Variants in AR observed in about 807,000 individuals in gnomAD.
AR encodes the protein androgen receptor, also known as dihydrotestosterone receptor.
Under a neutral mutation model 53.9 loss-of-function variants are expected in AR, and 8 were observed. That is an observed-to-expected ratio of 0.15 (90% CI 0.09 to 0.27). The LOEUF (loss-of-function observed/expected upper bound fraction) is 0.27, where lower values mean the gene tolerates loss of function less well. Among genes scored for constraint, AR ranks in the 10% least tolerant of loss-of-function variants. The pLI is 1.00. For missense variants in AR, 639 were observed against 742.5 expected, an observed-to-expected ratio of 0.86 and a Z score of 1.62; for synonymous variants, 359 against 316.4, an observed-to-expected ratio of 1.13 and a Z score of -1.43.
intron 2 of AR, among the ~76,000 whole-genome samples, chrX:67,654,497 C>T (rs1301635853): frequency 9.1e-6 from 1 of 110,274 alleles, no homozygotes; most frequent in African/African-American, 3.3e-5. Flanking sequence ...TAACATTCCC[C>T]AGCCAGCCCA....
At chrX:67,719,980 G>T (rs1374563493) in intron 5 of AR, among the ~76,000 whole-genome samples, 1 of 112,223 alleles carries the variant, frequency 8.9e-6, no homozygotes, top group Non-Finnish European at 1.9e-5. Context: ...ATCACATGTT[G>T]TGAGGATAAT....
intron 1 of AR, among the ~76,000 whole-genome samples, chrX:67,633,595 A>G (rs1320658364): frequency 8.9e-6 from 1 of 112,441 alleles, no homozygotes; most frequent in Non-Finnish European, 1.9e-5. Context: ...TTGTACACAA[A>G]TGTTCATTGC....
At chrX:67,562,334 T>C (rs1239101977) in intron 1 of AR, among the ~76,000 whole-genome samples, 2 of 107,398 alleles carry the variant, frequency 1.9e-5, no homozygotes, top group African/African-American at 6.9e-5. Context: ...CATATGAGTT[T>C]TGTTTGGTCT....
chrX:67,701,337 C>A (rs1345126247), intron 3 of AR, among the ~76,000 whole-genome samples: 1 of 110,671 alleles, frequency 9.0e-6, no homozygotes, highest in East Asian at 2.9e-4. Flanking sequence ...TGAGATACAG[C>A]AGGAATAAGT....
intron 2 of AR, among the ~76,000 whole-genome samples, chrX:67,684,749 ACTG>A (rs2075956336): frequency 8.9e-6 from 1 of 112,148 alleles, no homozygotes; most frequent in African/African-American, 3.2e-5. Context: ...CCTGGTTACT[ACTG>A]AACCTACTAC....
chrX:67,664,444 A>G (rs1264507311), intron 2 of AR, among the ~76,000 whole-genome samples: 1 of 112,007 alleles, frequency 8.9e-6, no homozygotes, highest in African/African-American at 3.2e-5. Context: ...ATTGGTGAAC[A>G]GAAAATGTTG....
At chrX:67,666,435 T>C (rs1225266350) in intron 2 of AR, among the ~76,000 whole-genome samples, 1 of 112,164 alleles carries the variant, frequency 8.9e-6, no homozygotes, top group East Asian at 2.8e-4. Flanking sequence ...TGTATGTATG[T>C]ACCACATTTT....
chrX:67,702,576 CAA>C (rs1473913569), intron 3 of AR, among the ~76,000 whole-genome samples: 1 of 111,928 alleles, frequency 8.9e-6, no homozygotes, highest in African/African-American at 3.2e-5. Context: ...GATTGTTGGA[CAA>C]AGTCATCTTG....
intron 3 of AR, among the ~76,000 whole-genome samples, chrX:67,706,256 G>C (rs1268842009): frequency 9.0e-6 from 1 of 111,642 alleles, no homozygotes; most frequent in Non-Finnish European, 1.9e-5. Context: ...GTAGAATTCA[G>C]CTGTGAAATC....
chrX:67,681,504 G>T (rs1016307781), intron 2 of AR, among the ~76,000 whole-genome samples: 1 of 112,197 alleles, frequency 8.9e-6, no homozygotes, highest in African/African-American at 3.2e-5. Context: ...TTTTGTGCTG[G>T]CACTAACACC....
chrX:67,660,353 C>T (rs1476097653), intron 2 of AR, among the ~76,000 whole-genome samples: 2 of 111,799 alleles, frequency 1.8e-5, no homozygotes, highest in Non-Finnish European at 1.9e-5. Context: ...TTAGGTCTAA[C>T]ATGTAAGTCT....
chrX:67,584,374 C>G (rs1193322865), intron 1 of AR, among the ~76,000 whole-genome samples: 1 of 111,933 alleles, frequency 8.9e-6, no homozygotes, highest in Non-Finnish European at 1.9e-5. Flanking sequence ...TGAATAGGCT[C>G]CTGTGGAGAT....
chrX:67,655,594 C>T, intron 2 of AR, among the ~76,000 whole-genome samples: 1 of 111,187 alleles, frequency 9.0e-6, no homozygotes, highest in Non-Finnish European at 1.9e-5. Context: ...TATTCAAGTA[C>T]TCTCTACCCA....
intron 1 of AR, among the ~76,000 whole-genome samples, chrX:67,625,596 A>C (rs1329228393): frequency 1.8e-5 from 2 of 111,712 alleles, no homozygotes; most frequent in African/African-American, 6.5e-5. Context: ...CCAAAAGTTA[A>C]CTCTTACATT....
intron 1 of AR, among the ~76,000 whole-genome samples, chrX:67,593,749 T>C (rs1922949830): frequency 8.9e-6 from 1 of 112,638 alleles, no homozygotes. Flanking sequence ...AACCATTTCA[T>C]AAAACAATGA....
chrX:67,695,100 G>A (rs1320622222), intron 3 of AR: 5 of 773,991 alleles, frequency 6.5e-6, no homozygotes, highest in Middle Eastern at 7.2e-4. Context: ...TGGCTCAGTC[G>A]CTTGCTTTTC....
At chrX:67,563,804 C>T (rs1163787804) in intron 1 of AR, among the ~76,000 whole-genome samples, 2 of 112,152 alleles carry the variant, frequency 1.8e-5, no homozygotes, top group East Asian at 2.8e-4. Flanking sequence ...GAGAAGATTC[C>T]TCTTCTTGGC....
chrX:67,654,269 A>T (rs887433895), intron 2 of AR, among the ~76,000 whole-genome samples: 3 of 111,551 alleles, frequency 2.7e-5, no homozygotes, highest in Non-Finnish European at 5.6e-5. Flanking sequence ...GGTCATAGGC[A>T]TGCGTATACT....
intron 2 of AR, among the ~76,000 whole-genome samples, chrX:67,683,836 G>A (rs1467371448): frequency 1.8e-5 from 2 of 110,220 alleles, no homozygotes; most frequent in Non-Finnish European, 3.8e-5. Context: ...CAGAGAAAAG[G>A]TGTGAACTAT....
Sources: gnomAD v4.1 joint callset for allele counts (sites outside exome capture counted in the v4.1 genomes callset) on GRCh38, gnomAD v4.1.1 for gene constraint, MANE v1.5 for transcripts, NCBI Gene and HGNC (gene_info 2026-07-23, HGNC 2026-07-21) for gene names.